The following PPP2R2D variants were observed in gnomAD, a reference collection of about 807,000 sequenced individuals.
PPP2R2D encodes serine/threonine-protein phosphatase 2A 55 kDa regulatory subunit B delta isoform.
Under a neutral mutation model 31.1 loss-of-function variants are expected in PPP2R2D, and 9 were observed. The observed-to-expected ratio is 0.29, with a 90% confidence interval of 0.17 to 0.51. The LOEUF is 0.51. PPP2R2D is among the 20% of genes least tolerant of loss of function. PPP2R2D has a pLI of 0.98. For synonymous variants in PPP2R2D, 179 were observed against 172.6 expected (o/e 1.04, Z -0.29); for missense variants, 391 against 465.6 (o/e 0.84, Z 1.48).
rs141251577 is a variant in PPP2R2D at position 131,921,675 on chromosome 10, T to G, written c.101-12783T>G. On this transcript the variant is annotated intron_variant, in intron 2 of 8. Coordinates refer to ENST00000455566, the MANE Select transcript of PPP2R2D (RefSeq NM_018461.5). ...AGTTTAAAAAATAGAACTCACTGGCTGCAGTGTGCGGAGGTGGGCTGGAAT... is the reference window on the plus strand; with the variant it reads ...AGTTTAAAAAATAGAACTCACTGGCGGCAGTGTGCGGAGGTGGGCTGGAAT... Among the ~76,000 whole-genome samples, 1,015 of 152,340 alleles carry G rather than the reference T, an allele frequency of 6.7e-3. 12 individuals are homozygous for G. The highest frequency in any genetic ancestry group is 0.024 in the African/African-American group (980 of 41,578).
intron 2 of PPP2R2D, among the ~76,000 whole-genome samples, chr10:131,924,202 TTG>T (rs1217078101): frequency 6.6e-6 from 1 of 152,144 alleles, no homozygotes; most frequent in Non-Finnish European, 1.5e-5. Flanking sequence ...TTTCAGAAGT[TTG>T]TGCTTTTGGT....
chr10:131,950,463 C>T (rs1257186578), intron 8 of PPP2R2D, among the ~76,000 whole-genome samples: 1 of 151,740 alleles, frequency 6.6e-6, no homozygotes, highest in East Asian at 1.9e-4. Flanking sequence ...GGCTTTGCCA[C>T]GGCCACAGTG....
intron 2 of PPP2R2D, among the ~76,000 whole-genome samples, chr10:131,918,514 G>A (rs2035877062): frequency 1.4e-5 from 2 of 144,888 alleles, no homozygotes; most frequent in Non-Finnish European, 3.0e-5. Context: ...GTGTTTGTAG[G>A]GACCTCAGGC....
intron 5 of PPP2R2D, among the ~76,000 whole-genome samples, chr10:131,941,828 C>T (rs958882318): frequency 6.6e-6 from 1 of 152,168 alleles, no homozygotes; most frequent in African/African-American, 2.4e-5. Context: ...TGTCCTCAGA[C>T]TTCTCACATC....
At chr10:131,952,899 G>C (rs1327368189) in intron 8 of PPP2R2D, among the ~76,000 whole-genome samples, 1 of 74,654 alleles carries the variant, frequency 1.3e-5, no homozygotes, top group African/African-American at 5.5e-5. Flanking sequence ...GGGTGTGTGT[G>C]GGGGGTTCAC....
At chr10:131,920,628 G>A (rs1318970851) in intron 2 of PPP2R2D, among the ~76,000 whole-genome samples, 2 of 152,150 alleles carry the variant, frequency 1.3e-5, no homozygotes, top group African/African-American at 4.8e-5. Context: ...ACCTACTTTT[G>A]TTTATTTAAA....
At chr10:131,942,025 A>T (rs1457748994) in intron 5 of PPP2R2D, among the ~76,000 whole-genome samples, 1 of 152,196 alleles carries the variant, frequency 6.6e-6, no homozygotes, top group Non-Finnish European at 1.5e-5. Flanking sequence ...AGTGACAGTA[A>T]CACGAGTTGT....
At chr10:131,961,618 C>T (rs986830344), downstream of PPP2R2D, among the ~76,000 whole-genome samples, 12 of 152,218 alleles carry the variant, frequency 7.9e-5, no homozygotes, top group Non-Finnish European at 1.6e-4. Flanking sequence ...CTACAGGACA[C>T]CCAGGGCTCC....
intron 8 of PPP2R2D, 99 bp from the exon 9 acceptor site, chr10:131,955,585 G>A: frequency 9.4e-7 from 1 of 1,063,288 alleles, no homozygotes; most frequent in Non-Finnish European, 1.2e-6. Flanking sequence ...GGGTTGTGGG[G>A]GAGGGTGGCG....
At chr10:131,941,525 T>G (rs745972029) in intron 5 of PPP2R2D, among the ~76,000 whole-genome samples, 4 of 151,688 alleles carry the variant, frequency 2.6e-5, no homozygotes, top group Admixed American at 6.6e-5. Flanking sequence ...AACCGTTGGT[T>G]GTTTGGGTGG....
intron 2 of PPP2R2D, among the ~76,000 whole-genome samples, chr10:131,923,285 A>G (rs1191554315): frequency 6.6e-6 from 1 of 152,220 alleles, no homozygotes; most frequent in African/African-American, 2.4e-5. Flanking sequence ...GATGCCGGTC[A>G]AGGCATATCC....
chr10:131,938,871 T>C (rs1426213271), intron 3 of PPP2R2D, among the ~76,000 whole-genome samples: 1 of 152,218 alleles, frequency 6.6e-6, no homozygotes, highest in East Asian at 1.9e-4. Context: ...TGTGTCACGC[T>C]CCTCAGGCCC....
chr10:131,908,627 G>C (rs1349177152), intron 2 of PPP2R2D, among the ~76,000 whole-genome samples: 5 of 152,234 alleles, frequency 3.3e-5, no homozygotes, highest in Non-Finnish European at 7.3e-5. Flanking sequence ...CAGGCTTTGT[G>C]TTAACTTGGG....
At chr10:131,969,733 G>C in the PPP2R2D span, 1 of 152,298 alleles carries the variant, frequency 6.6e-6, no homozygotes, top group Non-Finnish European at 1.5e-5. Context: ...CTGCACGCCA[G>C]GACTAGAGCC....
the PPP2R2D span, chr10:131,971,481 A>C: frequency 6.3e-6 from 1 of 157,652 alleles, no homozygotes; most frequent in Non-Finnish European, 1.4e-5. Flanking sequence ...GCTGCGGCCA[A>C]ATCCTCAGAA....
chr10:131,928,935 A>C (rs1554895295), intron 2 of PPP2R2D, among the ~76,000 whole-genome samples: 1 of 152,204 alleles, frequency 6.6e-6, no homozygotes, highest in African/African-American at 2.4e-5. Flanking sequence ...CATACCAGTT[A>C]AAGGAAGTAG....
At chr10:131,955,622 C>G (rs1225830108) in intron 8 of PPP2R2D, 62 bp from the exon 9 acceptor site, 56 of 1,349,288 alleles carry the variant, frequency 4.2e-5, no homozygotes, top group Non-Finnish European at 5.2e-5. Context: ...GGGGTGGGGT[C>G]TGAGTCCTTG....
chr10:131,910,834 G>T (rs2035670305), intron 2 of PPP2R2D, among the ~76,000 whole-genome samples: 1 of 152,172 alleles, frequency 6.6e-6, no homozygotes, highest in African/African-American at 2.4e-5. Flanking sequence ...GGAGTGGTGA[G>T]GGGTGGGGGA....
chr10:131,960,659 G>A (rs558458804), downstream of PPP2R2D, among the ~76,000 whole-genome samples: 3 of 152,298 alleles, frequency 2.0e-5, no homozygotes, highest in South Asian at 2.1e-4. Flanking sequence ...CCCTGGATCC[G>A]CCTGGCCCGG....
Sources: allele counts gnomAD v4.1 joint callset (sites outside exome capture counted in the v4.1 genomes callset), GRCh38; gene constraint gnomAD v4.1.1; transcripts MANE v1.5; gene names NCBI Gene and HGNC (gene_info 2026-07-23, HGNC 2026-07-21).